The following LRRC20 variants were observed in gnomAD, a reference collection of about 807,000 sequenced individuals.
The protein encoded by LRRC20 is leucine-rich repeat-containing protein 20.
Under a neutral mutation model 14.4 loss-of-function variants are expected in LRRC20, and 11 were observed. The observed-to-expected ratio is 0.77, with a 90% CI of 0.48 to 1.27. The LOEUF is 1.27. Among genes scored for constraint, LRRC20 ranks in the 50% most tolerant of loss-of-function variants. The probability of loss-of-function intolerance (pLI) is 0.00; values close to 1 mark genes in which losing one functional copy is unlikely to be tolerated. For missense variants in LRRC20, 219 were observed against 251.2 expected (o/e 0.87, Z 0.87); for synonymous variants, 121 against 107.3 (o/e 1.13, Z -0.79).
At chr10:70,325,021 C>T (rs1310044379) in intron 3 of LRRC20, among the ~76,000 whole-genome samples, 1 of 152,056 alleles carries the variant, frequency 6.6e-6, no homozygotes, top group African/African-American at 2.4e-5. Flanking sequence ...GAGGTGAGGC[C>T]CCAGGGGCTG....
chr10:70,369,698 G>A (rs1402325760), intron 2 of LRRC20, among the ~76,000 whole-genome samples: 2 of 150,370 alleles, frequency 1.3e-5, no homozygotes, highest in African/African-American at 4.9e-5. Context: ...TAAAATGGGA[G>A]TATTAACATC....
At chr10:70,353,082 C>G (rs1368919814) in intron 2 of LRRC20, among the ~76,000 whole-genome samples, 4 of 152,136 alleles carry the variant, frequency 2.6e-5, no homozygotes, top group African/African-American at 9.7e-5. Flanking sequence ...TGTTGAGTCT[C>G]TAACACATAA....
chr10:70,306,399 T>G (rs1841427870), intron 4 of LRRC20, among the ~76,000 whole-genome samples: 1 of 152,122 alleles, frequency 6.6e-6, no homozygotes, highest in Non-Finnish European at 1.5e-5. Context: ...TACTTCTAAC[T>G]CTTTGGGCCC....
Position 70,301,187 on chromosome 10 carries a change from C to T in LRRC20, c.*167G>A. 7.1e-7 allele frequency: 1 copy of T among 1,410,618 alleles called. No homozygotes were observed. Among genetic ancestry groups the T allele is most frequent in the East Asian group, 2.6e-5 (1 of 38,390 alleles). The allele number at this position is 1,410,618 out of a possible 1,614,324, so 87.4% of individuals were successfully genotyped here. On this transcript the variant is annotated 3_prime_UTR_variant, in exon 5 of 5. Coordinates refer to ENST00000446961, the MANE Select transcript of LRRC20 (RefSeq NM_001278212.2). ...CTTCCCTTGGGCATTCCAGAGCCCA[C>T]TACTGCTGTAAGCTATCTATCCAGA...
chr10:70,337,423 T>C (rs2137005325), intron 3 of LRRC20, among the ~76,000 whole-genome samples: 1 of 152,280 alleles, frequency 6.6e-6, no homozygotes, highest in South Asian at 2.1e-4. Context: ...GCAGGCACTT[T>C]GTGATTTGAG....
At chr10:70,312,525 C>T (rs1261683767) in intron 4 of LRRC20, among the ~76,000 whole-genome samples, 1 of 152,176 alleles carries the variant, frequency 6.6e-6, no homozygotes, top group Non-Finnish European at 1.5e-5. Flanking sequence ...ACAGCTCCAG[C>T]CCTCAGAGAG....
At chr10:70,379,839 C>G (rs1002775265) in intron 1 of LRRC20, among the ~76,000 whole-genome samples, 13 of 152,146 alleles carry the variant, frequency 8.5e-5, no homozygotes, top group African/African-American at 3.1e-4. Flanking sequence ...ACAATTTTTC[C>G]CACTGTAGTG....
intron 2 of LRRC20, among the ~76,000 whole-genome samples, chr10:70,355,140 A>G (rs1044864426): frequency 6.6e-6 from 1 of 152,232 alleles, no homozygotes; most frequent in African/African-American, 2.4e-5. Flanking sequence ...AAGTAGGGAC[A>G]CACAGGATGC....
intron 2 of LRRC20, among the ~76,000 whole-genome samples, chr10:70,366,069 CAAAAA>C (rs67374739): frequency 1.6e-5 from 2 of 128,758 alleles, no homozygotes; most frequent in African/African-American, 3.0e-5. Flanking sequence ...GACTCCAGCT[CAAAAA>C]AAAAAAAAAA....
In LRRC20 at chr10:70,299,335, G is replaced by A. The variant is rs1043867; in HGVS notation, c.*2019C>T. Reference sequence around the variant, plus strand: ...CAGGGTGGGTTAGGGAGGAGGCTGAGCACAGGCTCAGATCCCTGGAAGTGG... The same window carrying A: ...CAGGGTGGGTTAGGGAGGAGGCTGAACACAGGCTCAGATCCCTGGAAGTGG... On this transcript the variant is annotated 3_prime_UTR_variant, in exon 5 of 5. Transcript: ENST00000446961. 0.63 allele frequency: 95,326 copies of A among 152,140 alleles called. 31,636 individuals carry two copies. The highest frequency in any genetic ancestry group is 0.75 in the Non-Finnish European group (50,799 of 68,058). 9.4% of individuals were successfully genotyped at this position (152,140 alleles called of 1,614,324 possible). A position where few individuals can be genotyped will look rare whatever the true frequency, so the allele number is the denominator to read the frequency against.
chr10:70,334,644 C>T (rs900626775), intron 3 of LRRC20, among the ~76,000 whole-genome samples: 1 of 152,130 alleles, frequency 6.6e-6, no homozygotes, highest in African/African-American at 2.4e-5. Context: ...CCCACCCCGT[C>T]CTCACCACCC....
intron 4 of LRRC20, among the ~76,000 whole-genome samples, chr10:70,305,886 G>A (rs997030589): frequency 9.2e-5 from 14 of 151,846 alleles, no homozygotes; most frequent in African/African-American, 2.7e-4. Context: ...GACTACAGGT[G>A]CCCGCCACCA....
At chr10:70,349,655 A>G (rs1843219022) in intron 2 of LRRC20, among the ~76,000 whole-genome samples, 1 of 152,200 alleles carries the variant, frequency 6.6e-6, no homozygotes, top group Non-Finnish European at 1.5e-5. Flanking sequence ...AGTTCTAGGC[A>G]CTTTTTCTAT....
intron 4 of LRRC20, among the ~76,000 whole-genome samples, chr10:70,311,462 T>C (rs1489629474): frequency 1.3e-5 from 2 of 152,076 alleles, no homozygotes; most frequent in Non-Finnish European, 2.9e-5. Context: ...CCTCAAGTGA[T>C]CCACCTGCCT....
chr10:70,376,401 G>A (rs1259634726), intron 2 of LRRC20, 51 bp downstream of exon 2: 5 of 1,563,474 alleles, frequency 3.2e-6, no homozygotes, highest in Non-Finnish European at 3.5e-6. Context: ...TTTCTAAGCT[G>A]ATCTCACAAC....
intron 3 of LRRC20, among the ~76,000 whole-genome samples, chr10:70,330,142 C>G (rs957144451): frequency 6.6e-6 from 1 of 152,124 alleles, no homozygotes; most frequent in African/African-American, 2.4e-5. Context: ...GAAGTATGCC[C>G]TTCCCTTCTA....
At chr10:70,372,811 G>A (rs1035113150) in intron 2 of LRRC20, among the ~76,000 whole-genome samples, 10 of 151,916 alleles carry the variant, frequency 6.6e-5, no homozygotes, top group African/African-American at 2.4e-4. Flanking sequence ...TACATAAATA[G>A]CATTATATAG....
In LRRC20 at chr10:70,313,390, TTGG is replaced by T. The variant is rs1346142255; in HGVS notation, c.400+10470_400+10472del. Among the ~76,000 whole-genome samples the T allele has an allele frequency of 3.3e-5, 5 of 152,236 alleles. No homozygotes were observed. The South Asian group carries it at 1.0e-3, about 32-fold the overall frequency. ...TGTGCCTGTGTTCCCTGCCTCAGAA[TTGG>T]TGGTGCACACCTGGGGCAGAAGGGT... On this transcript the variant is annotated intron_variant, in intron 4 of 4. Transcript: ENST00000446961.
At chr10:70,328,981 T>G (rs1054590171) in intron 3 of LRRC20, among the ~76,000 whole-genome samples, 3 of 152,082 alleles carry the variant, frequency 2.0e-5, no homozygotes, top group Non-Finnish European at 4.4e-5. Flanking sequence ...AGAAACAAAA[T>G]TCAAAGCCAA....
Sources: gnomAD v4.1 joint callset for allele counts (sites outside exome capture counted in the v4.1 genomes callset) on GRCh38, gnomAD v4.1.1 for gene constraint, MANE v1.5 for transcripts, NCBI Gene and HGNC (gene_info 2026-07-23, HGNC 2026-07-21) for gene names.